The following ZBTB5 variants were observed in gnomAD, a reference collection of about 807,000 sequenced individuals.
The protein encoded by ZBTB5 is zinc finger and BTB domain-containing protein 5.
In ZBTB5, 15 loss-of-function variants were observed where a neutral mutation model predicts 37.9. The observed-to-expected ratio is 0.40, with a 90% CI of 0.26 to 0.61. The LOEUF is 0.61. Among genes scored for constraint, ZBTB5 ranks in the 20% least tolerant of loss-of-function variants. The pLI is 0.47. For missense variants in ZBTB5, 708 were observed against 856.8 expected (o/e 0.83, Z 2.17); for synonymous variants, 315 against 312.4 (o/e 1.01, Z -0.09).
At chr9:37,463,389 G>A (rs1345576075) in intron 1 of ZBTB5, among the ~76,000 whole-genome samples, 1 of 151,990 alleles carries the variant, frequency 6.6e-6, no homozygotes, top group Non-Finnish European at 1.5e-5. Flanking sequence ...CTGACAGAGG[G>A]GGAAAGTATT....
chr9:37,455,277 G>A (rs746465397), intron 1 of ZBTB5, among the ~76,000 whole-genome samples: 17 of 152,076 alleles, frequency 1.1e-4, no homozygotes, highest in East Asian at 1.9e-4. Flanking sequence ...CAGAGAGATC[G>A]GCCACAGGAC....
At chr9:37,452,874 C>G (rs1357862522) in intron 1 of ZBTB5, among the ~76,000 whole-genome samples, 4 of 152,166 alleles carry the variant, frequency 2.6e-5, no homozygotes, top group Admixed American at 6.5e-5. Flanking sequence ...AAAGACAGTC[C>G]TCAAGAGTCA....
At position 37,442,088 on chromosome 9, in the gene ZBTB5, C is replaced by G. The variant is rs1379968269; in HGVS notation, c.464G>C (p.Ser155Thr). ...ATTCTGGCTGGAATTGAGGGCTGAG[C>G]TCACGATGCTTAGTCCCAGCTGCTG... ...MLQQLGLSIVSSALNSSQNGE... is the reference protein window; with the variant it reads ...MLQQLGLSIVTSALNSSQNGE... Residue 155 changes from serine to threonine, a missense_variant, in exon 2 of 2, where the codon AGC (serine) becomes ACC (threonine). Coordinates refer to ENST00000307750, the MANE Select transcript of ZBTB5 (RefSeq NM_014872.3). 4 of 1,614,020 alleles carry G rather than the reference C, an allele frequency of 2.5e-6. No individual in the cohort carries two copies. The South Asian group carries it at 4.4e-5, about 18-fold the overall frequency.
chr9:37,444,983 A>G (rs1047795247), intron 1 of ZBTB5, among the ~76,000 whole-genome samples: 1 of 152,130 alleles, frequency 6.6e-6, no homozygotes, highest in African/African-American at 2.4e-5. Context: ...AGGAATGGAT[A>G]GATAACCTGA....
chr9:37,442,796 C>G (rs1823909724), intron 1 of ZBTB5, among the ~76,000 whole-genome samples: 1 of 152,166 alleles, frequency 6.6e-6, no homozygotes, highest in Non-Finnish European at 1.5e-5. Context: ...CCCCTTTACT[C>G]TTCATATGAG....
At position 37,441,469 on chromosome 9, in the gene ZBTB5, A is replaced by G. The variant is rs781300855; in HGVS notation, c.1083T>C (p.Val361=). 3.7e-6 allele frequency: 6 copies of G among 1,612,950 alleles called. No individual in the cohort carries two copies. In the African/African-American group the frequency reaches 8.1e-5, roughly 22 times the overall value. The change falls in exon 2 of 2, where the codon GTT becomes GTC. Residue 361 remains valine (V), a synonymous_variant. Transcript: ENST00000307750. The part of the protein sequence containing the change: ...EGSESVEVEG[V]VVSAEKIDLS... ...GGTCTATCTTCTCGGCACTGACCAC[A>G]ACTCCTTCCACTTCCACAGACTCGC...
chr9:37,452,142 G>A (rs1056656043), intron 1 of ZBTB5, among the ~76,000 whole-genome samples: 1 of 152,186 alleles, frequency 6.6e-6, no homozygotes, highest in Non-Finnish European at 1.5e-5. Context: ...CTACGCACAG[G>A]AATGAACAAG....
intron 1 of ZBTB5, among the ~76,000 whole-genome samples, chr9:37,451,595 C>G (rs1272885800): frequency 2.1e-5 from 3 of 145,940 alleles, no homozygotes; most frequent in Non-Finnish European, 4.5e-5. Context: ...GTGCACTTAG[C>G]AAATTTACAT....
chr9:37,455,150 G>T (rs1340445855), intron 1 of ZBTB5, among the ~76,000 whole-genome samples: 1 of 152,134 alleles, frequency 6.6e-6, no homozygotes, highest in Non-Finnish European at 1.5e-5. Flanking sequence ...CCAAACCCCA[G>T]GTTCCACAGG....
chr9:37,438,252 ATAAT>A lies in ZBTB5; in HGVS notation c.*2262_*2265del, dbSNP rs910289001. On this transcript the variant is annotated 3_prime_UTR_variant, in exon 2 of 2. Transcript: ENST00000307750. ...AGATTCTACATGATCACGCCAGACT[ATAAT>A]TAAGGCTAACCAATCAAAATTCAGG... The A allele has an allele frequency of 3.9e-5, 6 of 152,646 alleles. No homozygotes were observed. The highest frequency in any genetic ancestry group is 1.4e-4 in the African/African-American group (6 of 41,448). The allele number at this position is 152,646 out of a possible 1,614,324, so 9.5% of individuals were successfully genotyped here.
At chr9:37,462,581 G>A (rs1218492878) in intron 1 of ZBTB5, among the ~76,000 whole-genome samples, 3 of 140,212 alleles carry the variant, frequency 2.1e-5, no homozygotes, top group South Asian at 4.6e-4. Flanking sequence ...TTTTTTTTGA[G>A]ACAGGGTCTC....
At chr9:37,459,803 C>T (rs535224571) in intron 1 of ZBTB5, among the ~76,000 whole-genome samples, 4 of 151,408 alleles carry the variant, frequency 2.6e-5, no homozygotes, top group East Asian at 4.0e-4. Flanking sequence ...CTCTGCCTCC[C>T]GGGTTCATGC....
At chr9:37,448,993 A>G (rs1235773105) in intron 1 of ZBTB5, among the ~76,000 whole-genome samples, 1 of 151,988 alleles carries the variant, frequency 6.6e-6, no homozygotes, top group Non-Finnish European at 1.5e-5. Flanking sequence ...GCAGTGAGCC[A>G]AGATCACGCC....
chr9:37,459,804 G>A (rs1237539278), intron 1 of ZBTB5, among the ~76,000 whole-genome samples: 3 of 150,638 alleles, frequency 2.0e-5, no homozygotes, highest in African/African-American at 4.9e-5. Flanking sequence ...TCTGCCTCCC[G>A]GGTTCATGCC....
At chr9:37,452,120 G>A (rs1314271064) in intron 1 of ZBTB5, among the ~76,000 whole-genome samples, 1 of 152,154 alleles carries the variant, frequency 6.6e-6, no homozygotes, top group Non-Finnish European at 1.5e-5. Context: ...TCCTTCTCAA[G>A]GCTAGTTTGG....
At chr9:37,454,835 G>T (rs890140938) in intron 1 of ZBTB5, among the ~76,000 whole-genome samples, 1 of 152,184 alleles carries the variant, frequency 6.6e-6, no homozygotes, top group Non-Finnish European at 1.5e-5. Context: ...TGCCAGGCAG[G>T]ATCCACACAG....
chr9:37,457,133 C>A (rs1824203961), intron 1 of ZBTB5, among the ~76,000 whole-genome samples: 1 of 152,220 alleles, frequency 6.6e-6, no homozygotes, highest in Non-Finnish European at 1.5e-5. Context: ...AAAAGAGGCC[C>A]AGCAGCTTGG....
At chr9:37,459,353 G>A (rs899981044) in intron 1 of ZBTB5, among the ~76,000 whole-genome samples, 1 of 151,870 alleles carries the variant, frequency 6.6e-6, no homozygotes, top group Non-Finnish European at 1.5e-5. Context: ...CCAGCTACTC[G>A]GGAGGCTGAG....
In ZBTB5 at chr9:37,441,785, C is replaced by G; in HGVS notation, c.767G>C (p.Ser256Thr). The G allele has an allele frequency of 6.2e-7, 1 of 1,614,060 alleles. No individual in the cohort carries two copies. Among genetic ancestry groups the G allele is most frequent in the Non-Finnish European group, 8.5e-7 (1 of 1,179,996 alleles). ...AAAAGACTGATCAAACATGATCGCACTATCTTCCTGGTTATCAGTCATTCC... is the reference window on the plus strand; with the variant it reads ...AAAAGACTGATCAAACATGATCGCAGTATCTTCCTGGTTATCAGTCATTCC... Reference protein sequence around the residue: ...ADGMTDNQEDSAIMFDQSFGT... With the variant: ...ADGMTDNQEDTAIMFDQSFGT... Residue 256 changes from serine (S) to threonine (T), a missense_variant, in exon 2 of 2, where the codon AGT (serine) becomes ACT (threonine). Around this residue, in one of 3 missense-constraint regions of ZBTB5, gnomAD observed 639 missense variants for 690.5 expected, o/e 0.93. Transcript: ENST00000307750.
Sources: gnomAD v4.1 joint callset for allele counts (sites outside exome capture counted in the v4.1 genomes callset) on GRCh38, gnomAD v4.1.1 for gene constraint, gnomAD v4.1.1 regional missense constraint, MANE v1.5 for transcripts, NCBI Gene and HGNC (gene_info 2026-07-23, HGNC 2026-07-21) for gene names.